The following RABGAP1L variants were observed in gnomAD, a reference collection of about 807,000 sequenced individuals.
RABGAP1L encodes the protein rab GTPase-activating protein 1-like.
RABGAP1L carries 63 observed loss-of-function variants against 137.7 expected under a neutral mutation model. That is an observed-to-expected ratio of 0.46 (90% CI 0.37 to 0.56). The LOEUF is 0.56. Ranked by LOEUF, RABGAP1L falls within the 20% of genes least tolerant of loss-of-function variation. RABGAP1L has a pLI of 0.00. For missense variants in RABGAP1L, 1,095 were observed against 1,244.0 expected (o/e 0.88, Z 1.80); for synonymous variants, 431 against 433.7 (o/e 0.99, Z 0.08).
intron 13 of RABGAP1L, among the ~76,000 whole-genome samples, chr1:174,405,421 G>C (rs1054426981): frequency 6.6e-6 from 1 of 152,058 alleles, no homozygotes; most frequent in Non-Finnish European, 1.5e-5. Context: ...ACCTTGTCTA[G>C]GTGTAGGCTT....
rs1371550352 is a variant in RABGAP1L, at chr1:174,844,252, G to T, written c.2340+32292G>T. On this transcript the variant is annotated intron_variant, in intron 19 of 25. Transcript: ENST00000681986. ...AATTAGATCCCATTTGTCAATTTTG[G>T]CTTTTGTTGCCATTGCTTTTGGTGT... is the stretch of plus-strand genomic sequence containing the variant. Among the ~76,000 whole-genome samples the T allele has an allele frequency of 5.3e-3, 607 of 115,374 alleles. 6 individuals carry two copies. The highest frequency in any genetic ancestry group is 0.019 in the African/African-American group (554 of 29,406). The allele number at this position is 115,374 out of a possible 152,430, so 75.7% of individuals were successfully genotyped here. A position where few individuals can be genotyped will look rare whatever the true frequency, so the allele number is the denominator to read the frequency against.
intron 13 of RABGAP1L, among the ~76,000 whole-genome samples, chr1:174,527,486 G>A (rs1016413929): frequency 3.3e-5 from 5 of 152,116 alleles, no homozygotes; most frequent in Admixed American, 1.3e-4. Flanking sequence ...GATTACAGGC[G>A]TGAGCTACCA....
At chr1:174,753,775 A>C (rs1038682200) in intron 18 of RABGAP1L, among the ~76,000 whole-genome samples, 10 of 152,248 alleles carry the variant, frequency 6.6e-5, no homozygotes, top group Non-Finnish European at 1.0e-4. Flanking sequence ...CAGACTAAAA[A>C]AATATTAAAA....
At chr1:174,617,910 A>G (rs1038706680) in intron 13 of RABGAP1L, among the ~76,000 whole-genome samples, 3 of 152,026 alleles carry the variant, frequency 2.0e-5, no homozygotes, top group Non-Finnish European at 4.4e-5. Context: ...AAGGGGTGAC[A>G]TATGGCACCT....
intron 21 of RABGAP1L, among the ~76,000 whole-genome samples, chr1:174,971,981 G>C (rs894011608): frequency 1.3e-5 from 2 of 152,176 alleles, no homozygotes; most frequent in African/African-American, 4.8e-5. Flanking sequence ...CTAATTTCAG[G>C]CTTCCTGGGC....
chr1:174,476,471 C>T (rs999829375), intron 13 of RABGAP1L, among the ~76,000 whole-genome samples: 7 of 152,118 alleles, frequency 4.6e-5, no homozygotes, highest in Admixed American at 6.6e-5. Flanking sequence ...AGACAAAACA[C>T]AAGAGATTTA....
intron 13 of RABGAP1L, among the ~76,000 whole-genome samples, chr1:174,438,273 C>T (rs1653666491): frequency 6.6e-6 from 1 of 152,152 alleles, no homozygotes. Flanking sequence ...CGTTTTAGCT[C>T]TCTTAGATCC....
chr1:174,882,777 T>G (rs1654444000), intron 19 of RABGAP1L, among the ~76,000 whole-genome samples: 1 of 152,060 alleles, frequency 6.6e-6, no homozygotes, highest in African/African-American at 2.4e-5. Context: ...ACCAATATTG[T>G]TTACTGTGAT....
intron 13 of RABGAP1L, among the ~76,000 whole-genome samples, chr1:174,426,144 A>G (rs968484121): frequency 2.0e-5 from 3 of 152,096 alleles, no homozygotes; most frequent in African/African-American, 7.2e-5. Context: ...TTCAGGGCAT[A>G]CAGCTGTTTC....
At chr1:174,616,367 C>G (rs979410765) in intron 13 of RABGAP1L, among the ~76,000 whole-genome samples, 3 of 152,228 alleles carry the variant, frequency 2.0e-5, no homozygotes, top group Non-Finnish European at 4.4e-5. Context: ...AACTTCAAAG[C>G]AAACATTTTA....
At chr1:174,635,168 A>G (rs914896873) in intron 13 of RABGAP1L, among the ~76,000 whole-genome samples, 2 of 152,198 alleles carry the variant, frequency 1.3e-5, no homozygotes, top group African/African-American at 4.8e-5. Flanking sequence ...GACTATTGGA[A>G]CCATTTAAAC....
chr1:174,318,936 A>C (rs1365911685), intron 11 of RABGAP1L, among the ~76,000 whole-genome samples: 1 of 151,918 alleles, frequency 6.6e-6, no homozygotes, highest in Admixed American at 6.6e-5. Context: ...TCTTTTAAAA[A>C]TTATTATACC....
chr1:174,626,669 C>T (rs1309600582), intron 13 of RABGAP1L, among the ~76,000 whole-genome samples: 1 of 152,152 alleles, frequency 6.6e-6, no homozygotes, highest in African/African-American at 2.4e-5. Flanking sequence ...TCCCCCCACC[C>T]CATATTCAAG....
chr1:174,507,735 A>G (rs1661960571), intron 13 of RABGAP1L, among the ~76,000 whole-genome samples: 1 of 152,178 alleles, frequency 6.6e-6, no homozygotes, highest in Non-Finnish European at 1.5e-5. Flanking sequence ...AGTGAATCAG[A>G]CAAGTACTTC....
intron 11 of RABGAP1L, among the ~76,000 whole-genome samples, chr1:174,361,229 T>G (rs74838601): frequency 0.073 from 10,985 of 151,256 alleles, 597 homozygotes; most frequent in East Asian, 0.32. Context: ...AGTTTTGTTT[T>G]TTTTTTTTTT....
intron 13 of RABGAP1L, among the ~76,000 whole-genome samples, chr1:174,563,904 C>T (rs1298868553): frequency 3.3e-5 from 5 of 152,104 alleles, no homozygotes; most frequent in Non-Finnish European, 7.4e-5. Flanking sequence ...AATGTTGTTA[C>T]CCCAGGTCTT....
intron 18 of RABGAP1L, among the ~76,000 whole-genome samples, chr1:174,777,700 G>T (rs1686638447): frequency 6.6e-6 from 1 of 152,012 alleles, no homozygotes. Context: ...TATTTAAAAA[G>T]AACCAAATTA....
intron 14 of RABGAP1L, among the ~76,000 whole-genome samples, chr1:174,677,291 AAAAC>A (rs1481914634): frequency 3.9e-5 from 6 of 152,182 alleles, no homozygotes; most frequent in African/African-American, 1.4e-4. Context: ...GACCTGTCTC[AAAAC>A]AAACAAACAA....
chr1:174,538,187 C>T (rs1007652464), intron 13 of RABGAP1L, among the ~76,000 whole-genome samples: 61 of 152,166 alleles, frequency 4.0e-4, no homozygotes, highest in Non-Finnish European at 6.3e-4. Context: ...TTCCATTTCT[C>T]TTTGCTGTGA....
Sources: allele counts gnomAD v4.1 joint callset (sites outside exome capture counted in the v4.1 genomes callset), GRCh38; gene constraint gnomAD v4.1.1; transcripts MANE v1.5; gene names NCBI Gene and HGNC (gene_info 2026-07-23, HGNC 2026-07-21).